The following FAM135B variants were observed in gnomAD, a reference collection of about 807,000 sequenced individuals.
The protein encoded by FAM135B is family with sequence similarity 135 member B.
Under a neutral mutation model 127.7 loss-of-function variants are expected in FAM135B, and 43 were observed. The observed-to-expected ratio is 0.34, with a 90% confidence interval of 0.26 to 0.43. FAM135B has a LOEUF of 0.43. Among genes scored for constraint, FAM135B ranks in the 20% least tolerant of loss-of-function variants. FAM135B has a pLI of 1.00. For synonymous variants in FAM135B, 670 were observed against 665.1 expected, an observed-to-expected ratio of 1.01 and a Z score of -0.11; for missense variants, 1,558 against 1,725.6, an observed-to-expected ratio of 0.90 and a Z score of 1.72.
At chr8:138,136,507 C>T (rs374799852) in intron 19 of FAM135B, among the ~76,000 whole-genome samples, 5 of 151,944 alleles carry the variant, frequency 3.3e-5, no homozygotes, top group East Asian at 1.9e-4. Context: ...CAGAGTGAAA[C>T]GTATGCAGGA....
intron 3 of FAM135B, among the ~76,000 whole-genome samples, chr8:138,296,648 T>G (rs969943188): frequency 6.6e-6 from 1 of 152,302 alleles, no homozygotes; most frequent in African/African-American, 2.4e-5. Flanking sequence ...GTTTTTTATT[T>G]TTCTGACAGC....
chr8:138,309,137 C>T, intron 3 of FAM135B: 1 of 383,132 alleles, frequency 2.6e-6, no homozygotes. Context: ...TCAAGCTGCT[C>T]ATGTTATTAT....
chr8:138,327,840 C>A (rs189275352), intron 2 of FAM135B, among the ~76,000 whole-genome samples: 63 of 152,244 alleles, frequency 4.1e-4, no homozygotes, highest in Admixed American at 3.1e-3. Context: ...AACAGATTGC[C>A]TTTAGTAGAA....
At chr8:138,239,663 G>T (rs1586853385) in intron 7 of FAM135B, among the ~76,000 whole-genome samples, 1 of 152,226 alleles carries the variant, frequency 6.6e-6, no homozygotes, top group East Asian at 1.9e-4. Flanking sequence ...ATACCCAAAG[G>T]ATTATAAATC....
chr8:138,187,186 A>T (rs1278130958), intron 9 of FAM135B, among the ~76,000 whole-genome samples: 3 of 152,214 alleles, frequency 2.0e-5, no homozygotes, highest in South Asian at 2.1e-4. Context: ...GAAGGAAATT[A>T]AAATTTCTTA....
rs539891515 is a variant in FAM135B at position 138,242,161 on chromosome 8, C to T, written c.669+781G>A. ...TGTGAGTCAATTACTTATGATAAAT[C>T]TCTTTGTGTGTGTGTGTGTGTGTGT... On this transcript the variant is annotated intron_variant, in intron 7 of 19. Coordinates refer to ENST00000395297, the MANE Select transcript of FAM135B (RefSeq NM_015912.4). This position sits in a 1 kb window ranked among gnomAD's most constrained non-coding sequence, Gnocchi z 9.6. 4.4e-4 allele frequency among the ~76,000 whole-genome samples: 59 copies of T among 133,314 alleles called. 1 individual carries two copies. Among genetic ancestry groups the T allele is most frequent in the African/African-American group, 1.7e-3 (57 of 34,048 alleles). The allele number at this position is 133,314 out of a possible 152,430, so 87.5% of individuals were successfully genotyped here.
Position 138,141,431 on chromosome 8 carries a change from C to A in FAM135B, c.3639-82G>T, listed in dbSNP as rs2130602701. Reference sequence around the variant, plus strand: ...AGTGCAGTGCTGGAAGCATCAGGGGCCATTGTTCTCCACCTCCCACTGAAT... The same window carrying A: ...AGTGCAGTGCTGGAAGCATCAGGGGACATTGTTCTCCACCTCCCACTGAAT... On this transcript the variant is annotated intron_variant, in intron 16 of 19. Transcript: ENST00000395297. This position sits in a 1 kb window ranked among gnomAD's most constrained non-coding sequence, Gnocchi z 4.7. 1 of 1,353,490 alleles carries A rather than the reference C, an allele frequency of 7.4e-7. No homozygotes were observed. Among genetic ancestry groups the A allele is most frequent in the South Asian group, 1.3e-5 (1 of 79,258 alleles). The allele number at this position is 1,353,490 out of a possible 1,614,324, so 83.8% of individuals were successfully genotyped here.
chr8:138,446,911 C>A (rs1342074829), intron 1 of FAM135B, among the ~76,000 whole-genome samples: 1 of 151,996 alleles, frequency 6.6e-6, no homozygotes, highest in Non-Finnish European at 1.5e-5. Context: ...ACTCATCTGA[C>A]AAAGGGCTAA....
At chr8:138,491,293 C>T (rs986265631) in intron 1 of FAM135B, among the ~76,000 whole-genome samples, 1 of 151,992 alleles carries the variant, frequency 6.6e-6, no homozygotes, top group African/African-American at 2.4e-5. Flanking sequence ...TCTAAAGTGA[C>T]AAAGAAAGTG....
intron 5 of FAM135B, among the ~76,000 whole-genome samples, chr8:138,256,401 G>T (rs2130540199): frequency 6.6e-6 from 1 of 152,276 alleles, no homozygotes; most frequent in Admixed American, 6.5e-5. Flanking sequence ...CTATCACATT[G>T]TAAGATGTGT....
chr8:138,370,433 A>G (rs994077027), intron 1 of FAM135B, among the ~76,000 whole-genome samples: 1 of 151,962 alleles, frequency 6.6e-6, no homozygotes, highest in Non-Finnish European at 1.5e-5. Flanking sequence ...CCCATGTAAA[A>G]TAATTTTGGT....
chr8:138,189,407 G>C (rs140840153), intron 9 of FAM135B, among the ~76,000 whole-genome samples: 6 of 152,288 alleles, frequency 3.9e-5, no homozygotes, highest in African/African-American at 1.4e-4. Flanking sequence ...ACAAGAGCTC[G>C]CGTACCACAG....
intron 1 of FAM135B, among the ~76,000 whole-genome samples, chr8:138,446,409 A>G (rs912342129): frequency 1.4e-4 from 21 of 152,010 alleles, no homozygotes; most frequent in Admixed American, 1.3e-3. Context: ...AAACTACACT[A>G]CAAGGCTACA....
rs182869322 is a variant in FAM135B, at chr8:138,154,006, C to T, written c.1259-790G>A. ...CTGCCTCCTCAAGTGGGTCCCTGAC[C>T]CCCGAGTAGCCTAACTAGGAGACAC... On this transcript the variant is annotated intron_variant, in intron 12 of 19. Transcript: ENST00000395297. Among the ~76,000 whole-genome samples, 620 of 152,286 alleles carry T rather than the reference C, an allele frequency of 4.1e-3. 5 individuals carry two copies. Among genetic ancestry groups the T allele is most frequent in the African/African-American group, 0.014 (597 of 41,582 alleles).
chr8:138,466,936 A>C (rs574991214), intron 1 of FAM135B, among the ~76,000 whole-genome samples: 1 of 152,306 alleles, frequency 6.6e-6, no homozygotes, highest in African/African-American at 2.4e-5. Context: ...GACTATGAAC[A>C]CATAGAAATA....
intron 7 of FAM135B, among the ~76,000 whole-genome samples, chr8:138,211,444 ATCTGAGCAAATTT>A (rs1301066989): frequency 6.6e-6 from 1 of 152,192 alleles, no homozygotes; most frequent in Admixed American, 6.5e-5. Flanking sequence ...CTCAAAAATA[ATCTGAGCAAATTT>A]TCAGTAAAAT....
chr8:138,319,733 A>C (rs545923677), intron 2 of FAM135B, among the ~76,000 whole-genome samples: 1 of 152,300 alleles, frequency 6.6e-6, no homozygotes, highest in Non-Finnish European at 1.5e-5. Context: ...AATACCCCCC[A>C]ACCCCTGACA....
chr8:138,497,668 G>A (rs1815449667), upstream of FAM135B, among the ~76,000 whole-genome samples: 1 of 152,158 alleles, frequency 6.6e-6, no homozygotes, highest in Non-Finnish European at 1.5e-5. Context: ...CAGCCAGCCG[G>A]CCCGTCATCC....
intron 1 of FAM135B, among the ~76,000 whole-genome samples, chr8:138,374,118 C>T (rs1180232768): frequency 6.6e-6 from 1 of 152,210 alleles, no homozygotes; most frequent in African/African-American, 2.4e-5. Flanking sequence ...CAGGGCATCA[C>T]ACAACCTATT....
Sources: gnomAD v4.1 joint callset for allele counts (sites outside exome capture counted in the v4.1 genomes callset) on GRCh38, gnomAD v4.1.1 for gene constraint, Gnocchi (gnomAD v3.1) non-coding constraint, MANE v1.5 for transcripts, NCBI Gene and HGNC (gene_info 2026-07-23, HGNC 2026-07-21) for gene names.